Variants in EYS observed in about 807,000 individuals in gnomAD.
The protein encoded by EYS is protein eyes shut homolog.
Under a neutral mutation model 282.1 loss-of-function variants are expected in EYS, and 250 were observed. The observed-to-expected ratio is 0.89, with a 90% CI of 0.80 to 0.98. EYS has a LOEUF of 0.98. Among genes scored for constraint, EYS ranks in the 50% least tolerant of loss-of-function variants. The pLI is 0.00. For missense variants in EYS, 4,016 were observed against 3,709.0 expected (o/e 1.08, Z -2.15); for synonymous variants, 1,355 against 1,282.9 (o/e 1.06, Z -1.20).
At chr6:64,461,746 ATTACT>A (rs1267612980) in intron 26 of EYS, among the ~76,000 whole-genome samples, 1 of 152,172 alleles carries the variant, frequency 6.6e-6, no homozygotes, top group Non-Finnish European at 1.5e-5. Flanking sequence ...ATGTGGACTC[ATTACT>A]TTATAGTTGT....
At chr6:65,697,156 CTT>C (rs986393134) in intron 1 of EYS, among the ~76,000 whole-genome samples, 3 of 151,840 alleles carry the variant, frequency 2.0e-5, no homozygotes, top group African/African-American at 7.3e-5. Context: ...TGTTTTGTCT[CTT>C]AGTTTTAAAA....
chr6:64,551,466 G>A (rs1428296535), intron 26 of EYS, among the ~76,000 whole-genome samples: 1 of 150,744 alleles, frequency 6.6e-6, no homozygotes, highest in Non-Finnish European at 1.5e-5. Context: ...TCTGGAAACT[G>A]TAAACCAAAA....
In EYS at chr6:65,292,722, C is replaced by T. The variant is rs576016583; in HGVS notation, c.2023+3141G>A. 3.3e-5 allele frequency among the ~76,000 whole-genome samples: 5 copies of T among 151,620 alleles called. No individual in the cohort carries two copies. In the East Asian group the frequency reaches 5.8e-4, roughly 18 times the overall value. ...AGCTAGGTTCCAGCTGAAATGCAAA[C>T]GTGGTTGAAACATACTAGTACACTT... On this transcript the variant is annotated intron_variant, in intron 12 of 42. Coordinates refer to ENST00000503581, the MANE Select transcript of EYS (RefSeq NM_001142800.2).
intron 30 of EYS, among the ~76,000 whole-genome samples, chr6:64,281,875 G>C (rs1768322103): frequency 6.6e-6 from 1 of 152,070 alleles, no homozygotes; most frequent in South Asian, 2.1e-4. Flanking sequence ...AAGATTGGAG[G>C]GTTTTTTGCA....
chr6:64,622,498 T>A (rs926131486), intron 23 of EYS, among the ~76,000 whole-genome samples: 1 of 152,174 alleles, frequency 6.6e-6, no homozygotes, highest in Non-Finnish European at 1.5e-5. Context: ...CAGTATTTAG[T>A]TTTTCAAACT....
At chr6:65,056,221 T>C (rs372960198) in intron 13 of EYS, among the ~76,000 whole-genome samples, 2 of 152,184 alleles carry the variant, frequency 1.3e-5, no homozygotes, top group Non-Finnish European at 1.5e-5. Context: ...TCTCAGACTT[T>C]TGTGTTTAAG....
At chr6:64,361,441 T>A (rs995756640) in intron 29 of EYS, among the ~76,000 whole-genome samples, 1 of 151,714 alleles carries the variant, frequency 6.6e-6, no homozygotes, top group Non-Finnish European at 1.5e-5. Flanking sequence ...GCATTCACAA[T>A]GCAGCTTAAT....
intron 31 of EYS, among the ~76,000 whole-genome samples, chr6:64,212,097 C>T (rs2150328070): frequency 6.6e-6 from 1 of 152,082 alleles, no homozygotes; most frequent in South Asian, 2.1e-4. Context: ...GCCTGGGTAA[C>T]AGATTGGGAC....
intron 28 of EYS, among the ~76,000 whole-genome samples, chr6:64,409,169 A>G (rs1408500846): frequency 2.6e-5 from 4 of 152,128 alleles, no homozygotes; most frequent in Non-Finnish European, 5.9e-5. Flanking sequence ...GTGTATATGC[A>G]CCACACTTTC....
intron 19 of EYS, among the ~76,000 whole-genome samples, chr6:64,857,405 T>C (rs1027074536): frequency 6.6e-6 from 1 of 152,156 alleles, no homozygotes. Flanking sequence ...TCCAGTTTCA[T>C]CCATTTTATT....
intron 26 of EYS, among the ~76,000 whole-genome samples, chr6:64,543,549 C>A (rs1764753964): frequency 6.6e-6 from 1 of 151,984 alleles, no homozygotes; most frequent in South Asian, 2.1e-4. Context: ...AATGTTGCCA[C>A]CTCTGAAAAT....
intron 18 of EYS, among the ~76,000 whole-genome samples, chr6:64,890,917 C>T (rs1767271613): frequency 1.3e-5 from 2 of 152,014 alleles, no homozygotes; most frequent in African/African-American, 4.8e-5. Flanking sequence ...TGCTTTCAAT[C>T]AAGACCATTA....
At chr6:65,280,615 T>C (rs1350770734) in intron 12 of EYS, among the ~76,000 whole-genome samples, 1 of 152,098 alleles carries the variant, frequency 6.6e-6, no homozygotes, top group Non-Finnish European at 1.5e-5. Context: ...TTTTACATGA[T>C]TTCATTTTTT....
chr6:64,438,093 T>A (rs760741232), intron 27 of EYS, among the ~76,000 whole-genome samples: 1 of 151,730 alleles, frequency 6.6e-6, no homozygotes, highest in Non-Finnish European at 1.5e-5. Context: ...GGTAGAATGA[T>A]GTTGGGAAAA....
chr6:64,954,568 T>G (rs2150101735), intron 14 of EYS, among the ~76,000 whole-genome samples: 1 of 152,232 alleles, frequency 6.6e-6, no homozygotes, highest in South Asian at 2.1e-4. Context: ...TGGGGAGCAT[T>G]ACATGTTTTG....
chr6:64,062,668 G>A (rs1300713486), intron 33 of EYS, among the ~76,000 whole-genome samples: 1 of 149,266 alleles, frequency 6.7e-6, no homozygotes, highest in Non-Finnish European at 1.5e-5. Flanking sequence ...TCCAACCTGG[G>A]GGACAAGAGC....
At chr6:65,296,750 C>T (rs62408694) in intron 11 of EYS, among the ~76,000 whole-genome samples, 2,587 of 151,716 alleles carry the variant, frequency 0.017, 32 homozygotes, top group Non-Finnish European at 0.024. Context: ...CAAATTTCGA[C>T]GAGATTTTCC....
At chr6:65,573,368 T>C (rs1764547545) in intron 2 of EYS, among the ~76,000 whole-genome samples, 1 of 152,166 alleles carries the variant, frequency 6.6e-6, no homozygotes, top group South Asian at 2.1e-4. Flanking sequence ...CACTGTGGTC[T>C]CCACAAGTCT....
chr6:64,220,283 G>A (rs1376835164), intron 31 of EYS, among the ~76,000 whole-genome samples: 1 of 152,084 alleles, frequency 6.6e-6, no homozygotes, highest in Non-Finnish European at 1.5e-5. Flanking sequence ...CTGAGTTCTG[G>A]TTTGTTGACC....
Sources: allele counts gnomAD v4.1 joint callset (sites outside exome capture counted in the v4.1 genomes callset), GRCh38; gene constraint gnomAD v4.1.1; transcripts MANE v1.5; gene names NCBI Gene and HGNC (gene_info 2026-07-23, HGNC 2026-07-21).